Variants in CDKL1 observed in about 807,000 individuals in gnomAD.
CDKL1 encodes cyclin dependent kinase like 1, also known as cyclin-dependent kinase-like 1.
Under a neutral mutation model 42.0 loss-of-function variants are expected in CDKL1, and 41 were observed. The ratio of observed to expected loss-of-function variants is 0.98; its 90% confidence interval spans 0.76 to 1.27. The LOEUF is 1.27. Ranked by LOEUF, CDKL1 falls within the 50% of genes most tolerant of loss-of-function variation. CDKL1 has a pLI of 0.00. For synonymous variants in CDKL1, 153 were observed against 158.6 expected, an observed-to-expected ratio of 0.96 and a Z score of 0.26; for missense variants, 394 against 428.4, an observed-to-expected ratio of 0.92 and a Z score of 0.71.
chr14:50,397,183 C>A, upstream of CDKL1: 1 of 1,366,558 alleles, frequency 7.3e-7, no homozygotes, highest in South Asian at 1.1e-5. Context: ...CCCTCCTGAG[C>A]GGTCCACATT....
intron 4 of CDKL1, chr14:50,342,524 AAT>A: frequency 1.3e-6 from 1 of 780,434 alleles, no homozygotes; most frequent in Non-Finnish European, 1.6e-6. Flanking sequence ...CAGATAAACA[AAT>A]AATTTTTTTA....
intron 2 of CDKL1, among the ~76,000 whole-genome samples, chr14:50,362,702 C>T (rs185090285): frequency 1.3e-5 from 2 of 152,124 alleles, no homozygotes; most frequent in Non-Finnish European, 2.9e-5. Context: ...CTAGTGGGGA[C>T]GTGGAGAACT....
chr14:50,336,327 TA>T, intron 7 of CDKL1: 2 of 1,098,876 alleles, frequency 1.8e-6, no homozygotes, highest in Non-Finnish European at 2.3e-6. Flanking sequence ...GGAAGCTTCT[TA>T]CATTTATGAA....
chr14:50,335,722 TGTGTGAG>T lies in CDKL1; in HGVS notation c.739-1108_739-1102del, dbSNP rs1228391076. 5.2e-3 allele frequency: 5,140 copies of T among 985,264 alleles called. 183 individuals carry two copies. The East Asian group carries it at 0.14, about 28-fold the overall frequency. 61.0% of individuals were successfully genotyped at this position (985,264 alleles called of 1,614,324 possible). On this transcript the variant is annotated intron_variant, in intron 7 of 9. Transcript: ENST00000395834. ...TGCATTGTGTGTATAAAAGTGGCAG[TGTGTGAG>T]CTGCCGACTGGAGTGACTGGCCAGG...
chr14:50,348,774 C>A (rs1367831923), intron 3 of CDKL1, among the ~76,000 whole-genome samples: 1 of 151,892 alleles, frequency 6.6e-6, no homozygotes, highest in Non-Finnish European at 1.5e-5. Context: ...AAGTAGAAGA[C>A]CAGAACAAAC....
At chr14:50,364,334 C>T (rs567271611) in intron 2 of CDKL1, among the ~76,000 whole-genome samples, 10 of 152,118 alleles carry the variant, frequency 6.6e-5, no homozygotes, top group South Asian at 4.1e-4. Flanking sequence ...CTGGGCGTGG[C>T]GGCACGCACC....
chr14:50,345,543 T>A (rs1280772023), intron 3 of CDKL1, among the ~76,000 whole-genome samples: 1 of 152,206 alleles, frequency 6.6e-6, no homozygotes, highest in Non-Finnish European at 1.5e-5. Flanking sequence ...AGCATTGCTG[T>A]TGTTTGTTTG....
chr14:50,342,229 T>C lies in CDKL1; in HGVS notation c.364-7A>G, dbSNP rs927588502. 10 of 1,610,132 alleles carry C rather than the reference T, an allele frequency of 6.2e-6. No individual in the cohort carries two copies. The highest frequency in any genetic ancestry group is 8.5e-7 in the Non-Finnish European group (1 of 1,176,576). On this transcript the variant is annotated splice_region_variant and splice_polypyrimidine_tract_variant and intron_variant, in intron 4 of 9. Transcript: ENST00000395834. ...TCACGTCTCTATGTATGCACTAGTG[T>C]AACAAATCAAAACAAAAACAATATT...
At chr14:50,362,881 G>A (rs938270508) in intron 2 of CDKL1, 3 of 412,790 alleles carry the variant, frequency 7.3e-6, no homozygotes, top group Admixed American at 2.5e-5. Flanking sequence ...CCCAGCAGTG[G>A]CAACCTACCC....
chr14:50,336,811 T>C (rs2033302220), intron 7 of CDKL1, among the ~76,000 whole-genome samples: 1 of 151,814 alleles, frequency 6.6e-6, no homozygotes, highest in Admixed American at 6.6e-5. Context: ...AAAAGAGATA[T>C]CCACTCTTAG....
In CDKL1 at chr14:50,330,091, G is replaced by A. The variant is rs144021082; in HGVS notation, c.1057C>T (p.Arg353Cys). Residue 353 changes from arginine to cysteine, a missense_variant, in exon 10 of 10, where the codon CGT becomes TGT. Physicochemically the swap from Arg to Cys is radical, Grantham distance 180. Coordinates refer to ENST00000395834, the MANE Select transcript of CDKL1 (RefSeq NM_004196.7). ...YYCDTKKLNY[R>C]FPNI ...TAGCTCCTTTAAATGTTTGGAAAAC[G>A]GTAGTTAAGTTTCTTGGTATCACAG... The A allele has an allele frequency of 5.6e-6, 9 of 1,608,134 alleles. No homozygotes were observed. Among genetic ancestry groups the A allele is most frequent in the Admixed American group, 5.2e-5 (3 of 58,220 alleles).
intron 2 of CDKL1, among the ~76,000 whole-genome samples, chr14:50,374,815 G>C (rs986704239): frequency 3.3e-5 from 5 of 152,164 alleles, no homozygotes; most frequent in African/African-American, 1.2e-4. Context: ...CAAGTGCTTA[G>C]ATCTCGTTTT....
At chr14:50,378,582 G>C (rs929282688) in intron 2 of CDKL1, 2 of 576,046 alleles carry the variant, frequency 3.5e-6, no homozygotes, top group South Asian at 3.9e-5. Flanking sequence ...CATCCAGGCT[G>C]GAGTGCAGTG....
intron 2 of CDKL1, among the ~76,000 whole-genome samples, chr14:50,389,734 T>A (rs1247314232): frequency 1.3e-5 from 2 of 152,124 alleles, no homozygotes; most frequent in Non-Finnish European, 2.9e-5. Context: ...TCAGCTACAA[T>A]CTGCACTCAG....
At position 50,382,239 on chromosome 14, in the gene CDKL1, T is replaced by A. The variant is rs7150337; in HGVS notation, c.168+13462A>T. 6.3e-3 allele frequency among the ~76,000 whole-genome samples: 962 copies of A among 152,022 alleles called. 13 individuals carry two copies. Among genetic ancestry groups the A allele is most frequent in the African/African-American group, 0.021 (889 of 41,464 alleles). ...AGGCCGAGGCAGGCGGATCACGAGG[T>A]CACGAGATCGAGACCATCCTGGCTA... On this transcript the variant is annotated intron_variant, in intron 2 of 9. Transcript: ENST00000395834.
chr14:50,341,303 AG>A, intron 5 of CDKL1, 71 bp from the exon 6 acceptor site: 2 of 1,511,000 alleles, frequency 1.3e-6, no homozygotes, highest in Non-Finnish European at 1.8e-6. Flanking sequence ...GGGAGATCTC[AG>A]AAGTCAAGCC....
chr14:50,369,118 C>T (rs1315887239), intron 2 of CDKL1, among the ~76,000 whole-genome samples: 4 of 152,052 alleles, frequency 2.6e-5, no homozygotes, highest in South Asian at 2.1e-4. Flanking sequence ...CTGCCCACCT[C>T]GGCCTCCCAA....
intron 3 of CDKL1, 48 bp downstream of exon 3, chr14:50,358,980 C>G: frequency 1.3e-6 from 2 of 1,581,108 alleles, no homozygotes; most frequent in Non-Finnish European, 1.7e-6. Context: ...TTTTCGCTCA[C>G]AAATCCCAGT....
In CDKL1 at chr14:50,395,851, T is replaced by A; in HGVS notation, c.18A>T (p.Lys6Asn). 3 of 1,612,320 alleles carry A rather than the reference T, an allele frequency of 1.9e-6. No homozygotes were observed. Among genetic ancestry groups the A allele is most frequent in the Non-Finnish European group, 2.5e-6 (3 of 1,178,490 alleles). MEKYE[K>N]IGKIGEGSYG... ...AGGATCCTTCTCCAATTTTCCCAATTTTTTCATACTTCTCCATCATAGAGG... is the reference window on the plus strand; with the variant it reads ...AGGATCCTTCTCCAATTTTCCCAATATTTTCATACTTCTCCATCATAGAGG... Residue 6 changes from lysine to asparagine, a missense_variant, in exon 2 of 10, where the codon AAA (lysine) becomes AAT (asparagine). By Grantham distance (94) the Lys-to-Asn change is moderately conservative. Coordinates refer to ENST00000395834, the MANE Select transcript of CDKL1 (RefSeq NM_004196.7).
Sources: gnomAD v4.1 joint callset for allele counts (sites outside exome capture counted in the v4.1 genomes callset) on GRCh38, gnomAD v4.1.1 for gene constraint, MANE v1.5 for transcripts, NCBI Gene and HGNC (gene_info 2026-07-23, HGNC 2026-07-21) for gene names.